Variants in NTF3 observed in about 807,000 individuals in gnomAD.
NTF3 encodes neurotrophin-3.
In NTF3, 8 loss-of-function variants were observed where a neutral mutation model predicts 26.3. The ratio of observed to expected loss-of-function variants is 0.30; its 90% CI spans 0.18 to 0.55. The LOEUF (loss-of-function observed/expected upper bound fraction) is 0.55. Among genes scored for constraint, NTF3 ranks in the 20% least tolerant of loss-of-function variants. NTF3 has a pLI of 0.93. For synonymous variants in NTF3, 154 were observed against 145.5 expected, an observed-to-expected ratio of 1.06 and a Z score of -0.42; for missense variants, 276 against 352.9, an observed-to-expected ratio of 0.78 and a Z score of 1.75.
chr12:5,488,833 G>T lies in NTF3; in HGVS notation c.19-5361G>T, dbSNP rs372364651. Among the ~76,000 whole-genome samples the T allele has an allele frequency of 1.9e-3, 284 of 152,320 alleles. 1 individual carries two copies. Among genetic ancestry groups the T allele is most frequent in the African/African-American group, 6.3e-3 (261 of 41,578 alleles). On this transcript the variant is annotated intron_variant, in intron 1 of 1. Transcript: ENST00000423158. ...AGGCCCTTCTGGACACAGCTGGCCA[G>T]CGTCCTCTTTGACCCCAGCCAGAGA... is the stretch of plus-strand genomic sequence containing the variant.
At chr12:5,448,155 T>G (rs1379166457) in intron 1 of NTF3, among the ~76,000 whole-genome samples, 2 of 152,240 alleles carry the variant, frequency 1.3e-5, no homozygotes, top group African/African-American at 4.8e-5. Context: ...GCAAATCTAA[T>G]AGATTCCGCT....
At position 5,456,183 on chromosome 12, in the gene NTF3, A is replaced by C. The variant is rs917364418; in HGVS notation, c.18+23841A>C. 6.6e-6 allele frequency among the ~76,000 whole-genome samples: 1 copy of C among 152,190 alleles called. No homozygotes were observed. Among genetic ancestry groups the C allele is most frequent in the African/African-American group, 2.4e-5 (1 of 41,456 alleles). On this transcript the variant is annotated intron_variant, in intron 1 of 1. Transcript: ENST00000423158. The surrounding 1 kb of genome is among the most constrained non-coding windows in gnomAD (Gnocchi z 4.4). ...GATGGTTCTTAGTGGTACAGGATGC[A>C]CTGCAAGCTTTAAATGCGAGTGGCA...
upstream of NTF3, among the ~76,000 whole-genome samples, chr12:5,431,187 C>A (rs1940082259): frequency 6.6e-6 from 1 of 152,088 alleles, no homozygotes. Flanking sequence ...CGGGGCGCCA[C>A]GAACAGGTTT....
chr12:5,487,008 A>G (rs1033562874), intron 1 of NTF3, among the ~76,000 whole-genome samples: 24 of 152,142 alleles, frequency 1.6e-4, no homozygotes, highest in African/African-American at 5.6e-4. Flanking sequence ...ATGCAGGATA[A>G]CACCATGATG....
At chr12:5,491,370 C>A (rs1274919054) in intron 1 of NTF3, among the ~76,000 whole-genome samples, 1 of 152,166 alleles carries the variant, frequency 6.6e-6, no homozygotes, top group East Asian at 1.9e-4. Flanking sequence ...GAAACACTCA[C>A]CAGCCTGCAG....
chr12:5,471,244 G>A (rs972526998), intron 1 of NTF3, among the ~76,000 whole-genome samples: 2 of 152,132 alleles, frequency 1.3e-5, no homozygotes, highest in Admixed American at 1.3e-4. Flanking sequence ...AGGGGGCCCG[G>A]AGACCTGGAT....
chr12:5,480,212 T>G (rs1374313004), intron 1 of NTF3, among the ~76,000 whole-genome samples: 1 of 151,554 alleles, frequency 6.6e-6, no homozygotes, highest in East Asian at 1.9e-4. Context: ...ATCAGGAGGG[T>G]GGAGGGGGTG....
At chr12:5,466,970 C>T (rs1037435988) in intron 1 of NTF3, among the ~76,000 whole-genome samples, 3 of 152,068 alleles carry the variant, frequency 2.0e-5, no homozygotes, top group Non-Finnish European at 2.9e-5. Flanking sequence ...CAGTGGCTCA[C>T]GCCTGTAATT....
At chr12:5,468,447 A>T (rs1379503291) in intron 1 of NTF3, among the ~76,000 whole-genome samples, 1 of 152,136 alleles carries the variant, frequency 6.6e-6, no homozygotes, top group Non-Finnish European at 1.5e-5. Flanking sequence ...ATGGAGTTGT[A>T]TCCAGCGAGG....
intron 1 of NTF3, among the ~76,000 whole-genome samples, chr12:5,442,008 C>T (rs928630364): frequency 1.3e-5 from 2 of 152,194 alleles, no homozygotes; most frequent in Non-Finnish European, 2.9e-5. Context: ...GAAAGCAACT[C>T]AAAACACACG....
chr12:5,437,617 G>C (rs1322454884), intron 1 of NTF3, among the ~76,000 whole-genome samples: 4 of 152,194 alleles, frequency 2.6e-5, no homozygotes, highest in Non-Finnish European at 5.9e-5. Flanking sequence ...AAGATCTTTA[G>C]AGCCCACCAC....
chr12:5,469,730 G>C (rs1412831045), intron 1 of NTF3, among the ~76,000 whole-genome samples: 1 of 152,116 alleles, frequency 6.6e-6, no homozygotes, highest in Non-Finnish European at 1.5e-5. Context: ...AACAATTTTT[G>C]AAATATGTAT....
At chr12:5,482,721 GTC>G (rs555302158) in intron 1 of NTF3, among the ~76,000 whole-genome samples, 2 of 151,564 alleles carry the variant, frequency 1.3e-5, no homozygotes, top group South Asian at 2.1e-4. Context: ...CCCACTCACT[GTC>G]TCTCTGTCTC....
At chr12:5,451,103 A>T (rs1216359325) in intron 1 of NTF3, among the ~76,000 whole-genome samples, 1 of 152,062 alleles carries the variant, frequency 6.6e-6, no homozygotes, top group East Asian at 1.9e-4. Context: ...AGTGCCTTAC[A>T]CCTTCTTGCT....
intron 1 of NTF3, among the ~76,000 whole-genome samples, chr12:5,458,061 C>G (rs182688512): frequency 5.3e-5 from 8 of 152,322 alleles, no homozygotes; most frequent in Admixed American, 5.2e-4. Flanking sequence ...TCCAGTGCCT[C>G]TGAGTCCTTG....
In NTF3 at chr12:5,432,303, T is replaced by A; in HGVS notation, c.-22T>A. ...ACCTTTCTCTTCATGTCGACGTCCC[T>A]GGAAACGGCCACACGGATGCCATGG... On this transcript the variant is annotated 5_prime_UTR_variant, in exon 1 of 2. Coordinates refer to ENST00000423158, the MANE Select transcript of NTF3 (RefSeq NM_001102654.2). 1 of 1,612,624 alleles carries A rather than the reference T, an allele frequency of 6.2e-7. No homozygotes were observed. Among genetic ancestry groups the A allele is most frequent in the African/African-American group, 1.3e-5 (1 of 74,810 alleles).
intron 1 of NTF3, among the ~76,000 whole-genome samples, chr12:5,467,560 C>T (rs1289906345): frequency 6.6e-6 from 1 of 152,108 alleles, no homozygotes; most frequent in Admixed American, 6.5e-5. Flanking sequence ...AAATTTGTTA[C>T]AAAAGCAGCA....
At chr12:5,443,476 G>A (rs927312680) in intron 1 of NTF3, among the ~76,000 whole-genome samples, 2 of 152,248 alleles carry the variant, frequency 1.3e-5, no homozygotes, top group Admixed American at 1.3e-4. Context: ...ACAAAGGGGG[G>A]AAATGTTCCA....
chr12:5,491,758 C>T (rs1480191937), intron 1 of NTF3, among the ~76,000 whole-genome samples: 1 of 131,988 alleles, frequency 7.6e-6, no homozygotes, highest in African/African-American at 2.9e-5. Flanking sequence ...CTTGCTCTGT[C>T]GCCCAGGCTG....
Sources: gnomAD v4.1 joint callset for allele counts (sites outside exome capture counted in the v4.1 genomes callset) on GRCh38, gnomAD v4.1.1 for gene constraint, Gnocchi (gnomAD v3.1) non-coding constraint, MANE v1.5 for transcripts, NCBI Gene and HGNC (gene_info 2026-07-23, HGNC 2026-07-21) for gene names.